The following ATP9B variants were observed in gnomAD, a reference collection of about 807,000 sequenced individuals.
ATP9B encodes the protein ATPase phospholipid transporting 9B.
A neutral mutation model predicts 146.1 loss-of-function variants in ATP9B; 110 were observed. The ratio of observed to expected loss-of-function variants is 0.75; its 90% CI spans 0.65 to 0.88. The LOEUF is 0.88. ATP9B is among the 40% of genes least tolerant of loss of function. The probability of loss-of-function intolerance (pLI) is 0.00; values close to 1 mark genes in which losing one functional copy is unlikely to be tolerated. For synonymous variants in ATP9B, 604 were observed against 569.7 expected, an observed-to-expected ratio of 1.06 and a Z score of -0.86; for missense variants, 1,499 against 1,496.4, an observed-to-expected ratio of 1.00 and a Z score of -0.03.
chr18:79,369,184 G>A (rs2097053881), intron 26 of ATP9B, among the ~76,000 whole-genome samples: 1 of 149,032 alleles, frequency 6.7e-6, no homozygotes, highest in Non-Finnish European at 1.5e-5. Context: ...GGGTCACGAG[G>A]TCAGGAGATC....
chr18:79,216,600 G>A (rs2095629091), intron 11 of ATP9B, among the ~76,000 whole-genome samples: 2 of 152,208 alleles, frequency 1.3e-5, no homozygotes, highest in South Asian at 4.1e-4. Context: ...TTTGTAACTA[G>A]TTTGTGCAAG....
chr18:79,200,779 A>AGGTGGAGGTGGGGACTGTCGGGGTCGG (rs2095475928), intron 9 of ATP9B, among the ~76,000 whole-genome samples: 1 of 28,516 alleles, frequency 3.5e-5, no homozygotes, highest in African/African-American at 1.4e-4. Flanking sequence ...GTCAGAGCAG[A>AGGTGGAGGTGGGGACTGTCGGGGTCGG]AGTAGTGGTG....
chr18:79,243,524 A>G (rs1363785093), intron 11 of ATP9B, among the ~76,000 whole-genome samples: 1 of 152,226 alleles, frequency 6.6e-6, no homozygotes, highest in Non-Finnish European at 1.5e-5. Flanking sequence ...CAATAAGCCA[A>G]GAAACACAGA....
At chr18:79,210,251 T>A (rs146985738) in intron 10 of ATP9B, among the ~76,000 whole-genome samples, 125 of 152,322 alleles carry the variant, frequency 8.2e-4, no homozygotes, top group African/African-American at 2.9e-3. Context: ...AAAGGAGTGT[T>A]CCTGATACTC....
intron 1 of ATP9B, among the ~76,000 whole-genome samples, chr18:79,083,348 G>A (rs993884344): frequency 7.9e-5 from 12 of 152,230 alleles, no homozygotes; most frequent in African/African-American, 2.2e-4. Context: ...GGGCTCCGTG[G>A]GGGTGGGATT....
At chr18:79,336,118 C>T (rs1477639999) in intron 17 of ATP9B, among the ~76,000 whole-genome samples, 4 of 148,862 alleles carry the variant, frequency 2.7e-5, no homozygotes, top group Non-Finnish European at 4.5e-5. Context: ...CCCTCCCTGG[C>T]ACCAGGCGCT....
chr18:79,099,551 C>G (rs897532387), intron 2 of ATP9B, among the ~76,000 whole-genome samples: 1 of 152,108 alleles, frequency 6.6e-6, no homozygotes, highest in Non-Finnish European at 1.5e-5. Context: ...ATTGTCATTT[C>G]TAATCTAAAT....
At chr18:79,359,558 G>A (rs1461311418) in intron 26 of ATP9B, 96 bp downstream of exon 26, 1 of 922,972 alleles carries the variant, frequency 1.1e-6, no homozygotes, top group Non-Finnish European at 1.7e-6. Context: ...GCATTTCCAG[G>A]CATTTTGTGA....
intron 7 of ATP9B, among the ~76,000 whole-genome samples, chr18:79,172,218 A>G (rs2095085703): frequency 7.1e-6 from 1 of 140,108 alleles, no homozygotes; most frequent in Admixed American, 7.0e-5. Context: ...CGCCCTTGCG[A>G]TCCGCCTTGG....
In ATP9B at chr18:79,155,751, CTCTTTTTTTTTTTTTTTTT is replaced by C. The variant is rs539428928; in HGVS notation, c.778+1198_778+1216del. Among the ~76,000 whole-genome samples, 457 of 125,518 alleles carry C rather than the reference CTCTTTTTTTTTTTTTTTTT, an allele frequency of 3.6e-3. 12 individuals are homozygous for C. Among genetic ancestry groups the C allele is most frequent in the Admixed American group, 0.033 (415 of 12,528 alleles). The allele number at this position is 125,518 out of a possible 152,430, so 82.3% of individuals were successfully genotyped here. On this transcript the variant is annotated intron_variant, in intron 7 of 29. Transcript: ENST00000426216. ...TTGTCAAAGAAGAAACATGTTTTCT[CTCTTTTTTTTTTTTTTTTT>C]TTTTTTTTTTGAGATGGAGTCTCGC...
Position 79,193,269 on chromosome 18 carries a change from T to A in ATP9B, c.954+6T>A. The A allele has an allele frequency of 6.3e-7, 1 of 1,591,280 alleles. No homozygotes were observed. The highest frequency in any genetic ancestry group is 8.6e-7 in the Non-Finnish European group (1 of 1,159,444). On this transcript the variant is annotated splice_donor_region_variant and intron_variant, in intron 9 of 29. Coordinates refer to ENST00000426216, the MANE Select transcript of ATP9B (RefSeq NM_198531.5). ...TCGAAGGCACATTTACCAGGGTAAG[T>A]TAAACCTGTTGTTCAATACAAATAG...
intron 10 of ATP9B, among the ~76,000 whole-genome samples, chr18:79,208,741 A>T (rs757422020): frequency 6.6e-6 from 1 of 151,024 alleles, no homozygotes; most frequent in Non-Finnish European, 1.5e-5. Flanking sequence ...TATAAATGTT[A>T]TGTGTGTGTG....
intron 15 of ATP9B, among the ~76,000 whole-genome samples, chr18:79,315,419 T>G (rs1191167838): frequency 1.3e-5 from 2 of 152,194 alleles, no homozygotes; most frequent in African/African-American, 4.8e-5. Flanking sequence ...TAGCAGCTTT[T>G]TCAGATGATC....
chr18:79,367,337 T>G lies in ATP9B; in HGVS notation c.3013-5488T>G, dbSNP rs1439652125. Reference sequence around the variant, plus strand: ...ACCGTGTGTACGCAGAGAAAGTGCCTCCTCAACCAGAGAGCACACATATCT... The same window carrying G: ...ACCGTGTGTACGCAGAGAAAGTGCCGCCTCAACCAGAGAGCACACATATCT... On this transcript the variant is annotated intron_variant, in intron 26 of 29. Coordinates refer to ENST00000426216, the MANE Select transcript of ATP9B (RefSeq NM_198531.5). Among the ~76,000 whole-genome samples, 232 of 134,592 alleles carry G rather than the reference T, an allele frequency of 1.7e-3. 3 individuals are homozygous for G. The highest frequency in any genetic ancestry group is 1.4e-4 in the Non-Finnish European group (9 of 62,778). 88.3% of individuals were successfully genotyped at this position (134,592 alleles called of 152,430 possible).
chr18:79,086,052 T>C (rs1397141545), intron 1 of ATP9B: 4 of 152,012 alleles, frequency 2.6e-5, no homozygotes, highest in African/African-American at 9.7e-5. Flanking sequence ...GGCGTAGTAC[T>C]AATTCTTAAG....
At chr18:79,309,760 C>G (rs575246206) in intron 15 of ATP9B, among the ~76,000 whole-genome samples, 1 of 152,090 alleles carries the variant, frequency 6.6e-6, no homozygotes, top group African/African-American at 2.4e-5. Flanking sequence ...GTGTTGGTTA[C>G]GCAACTCTGT....
At chr18:79,346,382 A>G (rs1313967327) in intron 23 of ATP9B, among the ~76,000 whole-genome samples, 1 of 150,250 alleles carries the variant, frequency 6.7e-6, no homozygotes. Flanking sequence ...CACTTGGTAC[A>G]CTTGTTTAGC....
chr18:79,325,974 C>T (rs868361094), intron 15 of ATP9B, among the ~76,000 whole-genome samples: 2,193 of 134,818 alleles, frequency 0.016, 27 homozygotes, highest in Middle Eastern at 0.045. Flanking sequence ...CCCTCCCTCC[C>T]CTCACATGGT....
At chr18:79,323,946 C>G (rs1243607001) in intron 15 of ATP9B, among the ~76,000 whole-genome samples, 2 of 152,200 alleles carry the variant, frequency 1.3e-5, no homozygotes, top group East Asian at 1.9e-4. Flanking sequence ...CCACCTCCTC[C>G]CTCGCCAGCA....
Sources: allele counts gnomAD v4.1 joint callset (sites outside exome capture counted in the v4.1 genomes callset), GRCh38; gene constraint gnomAD v4.1.1; transcripts MANE v1.5; gene names NCBI Gene and HGNC (gene_info 2026-07-23, HGNC 2026-07-21).